PTCHD4: variants seen among roughly 807,000 people sequenced by gnomAD.
PTCHD4 encodes patched domain-containing protein 4.
PTCHD4 carries 33 observed loss-of-function variants against 58.1 expected under a neutral mutation model. That is an observed-to-expected ratio of 0.57 (90% CI 0.43 to 0.76). The LOEUF is 0.76. Among genes scored for constraint, PTCHD4 ranks in the 30% least tolerant of loss-of-function variants. The pLI, the probability that PTCHD4 is intolerant of heterozygous loss-of-function variation, is 0.00. For missense variants in PTCHD4, 1,058 were observed against 1,027.1 expected, an observed-to-expected ratio of 1.03 and a Z score of -0.41; for synonymous variants, 478 against 409.6, an observed-to-expected ratio of 1.17 and a Z score of -2.02.
chr6:48,100,643 A>AT, intron 1 of PTCHD4, among the ~76,000 whole-genome samples: 1 of 152,336 alleles, frequency 6.6e-6, no homozygotes, highest in East Asian at 1.9e-4. Context: ...AATGATGACA[A>AT]TAAAGAGAGG....
At chr6:47,953,955 A>AT (rs879924205) in intron 4 of PTCHD4, among the ~76,000 whole-genome samples, 20 of 152,118 alleles carry the variant, frequency 1.3e-4, no homozygotes, top group Non-Finnish European at 2.5e-4. Flanking sequence ...GGGGCAGTAT[A>AT]TTTTTTTAAC....
chr6:47,926,437 C>A (rs1184854077), intron 4 of PTCHD4, among the ~76,000 whole-genome samples: 1 of 152,230 alleles, frequency 6.6e-6, no homozygotes, highest in South Asian at 2.1e-4. Flanking sequence ...GCATAAAATA[C>A]TTTATGCATT....
At chr6:48,082,907 A>G (rs1224068883) in intron 1 of PTCHD4, among the ~76,000 whole-genome samples, 3 of 151,796 alleles carry the variant, frequency 2.0e-5, no homozygotes, top group East Asian at 3.9e-4. Flanking sequence ...TTATTTAACC[A>G]TCTTATTGGT....
At position 48,068,231 on chromosome 6, in the gene PTCHD4, T is replaced by G. The variant is rs1167030844; in HGVS notation, c.416A>C (p.Lys139Thr). Residue 139 changes from lysine to threonine, a missense_variant and splice_region_variant, in exon 3 of 5, where the codon AAG (lysine) becomes ACG (threonine). Transcript: ENST00000339488. The surrounding 1 kb of genome is among the most constrained non-coding windows in gnomAD (Gnocchi z 4.2). ...ATAATTATAGCCCTTGTGGTTCACC[T>G]TCATTTCCAGCACGGCTCGGTGGGT... Reference protein sequence around the residue: ...LQTHRAVLEMKDGRNSFIGHQ... With the variant: ...LQTHRAVLEMTDGRNSFIGHQ... 6 of 1,561,946 alleles carry G rather than the reference T, an allele frequency of 3.8e-6. No homozygotes were observed. Among genetic ancestry groups the G allele is most frequent in the Non-Finnish European group, 5.2e-6 (6 of 1,152,798 alleles).
chr6:47,969,542 T>C (rs1012908805), intron 4 of PTCHD4, among the ~76,000 whole-genome samples: 1 of 152,196 alleles, frequency 6.6e-6, no homozygotes, highest in African/African-American at 2.4e-5. Flanking sequence ...TTAAACTCAA[T>C]AATGAGTAAA....
At chr6:48,050,471 G>A (rs2114168844) in intron 3 of PTCHD4, among the ~76,000 whole-genome samples, 2 of 152,114 alleles carry the variant, frequency 1.3e-5, no homozygotes, top group Admixed American at 1.3e-4. Context: ...GAATGAGTAA[G>A]AATGTAGGTG....
At chr6:48,078,777 T>C (rs1765107470) in intron 1 of PTCHD4, among the ~76,000 whole-genome samples, 1 of 152,214 alleles carries the variant, frequency 6.6e-6, no homozygotes, top group Non-Finnish European at 1.5e-5. Context: ...TGTATCTCTT[T>C]CTTCTGGAAG....
rs190503271 is a variant in PTCHD4, at chr6:47,889,888, A to G, written c.899-9952T>C. On this transcript the variant is annotated intron_variant, in intron 4 of 4. Coordinates refer to ENST00000339488, the MANE Select transcript of PTCHD4 (RefSeq NM_001384253.1). ...TTAAACTAAAGAGCTTCTGCACAGC[A>G]AAATAAACTACCATCAGAGTGAACA... is the stretch of plus-strand genomic sequence containing the variant. Among the ~76,000 whole-genome samples, 1,045 of 152,218 alleles carry G rather than the reference A, an allele frequency of 6.9e-3. 9 individuals are homozygous for G. The highest frequency in any genetic ancestry group is 0.01 in the Non-Finnish European group (689 of 68,000).
intron 4 of PTCHD4, among the ~76,000 whole-genome samples, chr6:47,893,467 G>T (rs545795914): frequency 6.6e-6 from 1 of 152,280 alleles, no homozygotes; most frequent in South Asian, 2.1e-4. Context: ...ATATACTTTG[G>T]AGTCATCATT....
intron 4 of PTCHD4, among the ~76,000 whole-genome samples, chr6:47,924,533 A>G (rs1490715959): frequency 1.3e-5 from 2 of 152,058 alleles, no homozygotes; most frequent in East Asian, 3.9e-4. Flanking sequence ...AGTCTCAGTT[A>G]TCTCATTTGT....
Position 47,879,168 on chromosome 6 carries a change from T to C in PTCHD4, c.1667A>G (p.Lys556Arg), listed in dbSNP as rs1045549355. ...GTTATTGGCACTGACGTTGCTGACT[T>C]TCAGGAACTGGTAGTACTGCTCCAC... is the stretch of plus-strand genomic sequence containing the variant. Reference protein sequence around the residue: ...SWVEQYYQFLKVSNVSANNKS... With the variant: ...SWVEQYYQFLRVSNVSANNKS... The change falls in exon 5 of 5, where the codon AAA becomes AGA. Residue 556 changes from lysine (K) to arginine (R), a missense_variant. Physicochemically the swap from Lys to Arg is conservative, Grantham distance 26 (BLOSUM62 2). Transcript: ENST00000339488. 4 of 1,612,034 alleles carry C rather than the reference T, an allele frequency of 2.5e-6. No individual in the cohort carries two copies. Among genetic ancestry groups the C allele is most frequent in the Non-Finnish European group, 3.4e-6 (4 of 1,179,694 alleles).
chr6:47,980,275 CA>C, intron 4 of PTCHD4, among the ~76,000 whole-genome samples: 1 of 152,064 alleles, frequency 6.6e-6, no homozygotes, highest in East Asian at 1.9e-4. Context: ...ACAAAACCCA[CA>C]TTTTTATATT....
At chr6:48,005,018 G>A (rs1016626330) in intron 4 of PTCHD4, among the ~76,000 whole-genome samples, 2 of 152,148 alleles carry the variant, frequency 1.3e-5, no homozygotes, top group African/African-American at 4.8e-5. Context: ...ACCCCAATCT[G>A]AGACATACAA....
At chr6:48,095,454 C>A (rs987311688) in intron 1 of PTCHD4, among the ~76,000 whole-genome samples, 8 of 152,004 alleles carry the variant, frequency 5.3e-5, no homozygotes, top group African/African-American at 1.7e-4. Context: ...GAAGCCAAGG[C>A]GGGCGGATCT....
chr6:48,092,026 C>T (rs1417065560), intron 1 of PTCHD4, among the ~76,000 whole-genome samples: 2 of 151,978 alleles, frequency 1.3e-5, no homozygotes, highest in South Asian at 4.1e-4. Context: ...CACATACACA[C>T]ACACAATAAA....
chr6:47,905,071 A>ACACACG (rs1474868793), intron 4 of PTCHD4, among the ~76,000 whole-genome samples: 5 of 151,868 alleles, frequency 3.3e-5, no homozygotes, highest in Non-Finnish European at 5.9e-5. Context: ...ACACACACAC[A>ACACACG]CACACACACA....
rs760181806 is a variant in PTCHD4 at position 48,097,917 on chromosome 6, G to A, written c.-970+13132C>T. On this transcript the variant is annotated intron_variant, in intron 1 of 4. Coordinates refer to ENST00000339488, the MANE Select transcript of PTCHD4 (RefSeq NM_001384253.1). ...GCAGCAAGAATGAGAGGGTACAGGT[G>A]TCCCTTAACATCAATTTCAGAAAGA... 4.9e-4 allele frequency among the ~76,000 whole-genome samples: 74 copies of A among 152,194 alleles called. 1 individual carries two copies. The highest frequency in any genetic ancestry group is 2.5e-4 in the Non-Finnish European group (17 of 68,032).
chr6:48,084,595 T>C (rs941157234), intron 1 of PTCHD4, among the ~76,000 whole-genome samples: 1 of 152,220 alleles, frequency 6.6e-6, no homozygotes, highest in Admixed American at 6.5e-5. Flanking sequence ...TACTGAAATA[T>C]ACATTTCACA....
intron 1 of PTCHD4, among the ~76,000 whole-genome samples, chr6:48,104,634 C>T (rs1582143419): frequency 6.6e-6 from 1 of 152,218 alleles, no homozygotes; most frequent in Admixed American, 6.5e-5. Flanking sequence ...GCTAAATGCT[C>T]CAATTAAAAG....
Sources: allele counts gnomAD v4.1 joint callset (sites outside exome capture counted in the v4.1 genomes callset), GRCh38; gene constraint gnomAD v4.1.1; non-coding constraint Gnocchi (gnomAD v3.1); transcripts MANE v1.5; gene names NCBI Gene and HGNC (gene_info 2026-07-23, HGNC 2026-07-21).